Variants in PITRM1 observed in about 807,000 individuals in gnomAD.
PITRM1 encodes the protein presequence protease, mitochondrial.
PITRM1 carries 100 observed loss-of-function variants against 129.9 expected under a neutral mutation model. The observed-to-expected ratio is 0.77, with a 90% CI of 0.65 to 0.91. The LOEUF (loss-of-function observed/expected upper bound fraction) is 0.91, where lower values mean the gene tolerates loss of function less well. PITRM1 is among the 40% of genes least tolerant of loss of function. PITRM1 has a pLI of 0.00. For missense variants in PITRM1, 1,471 were observed against 1,318.3 expected (o/e 1.12, Z -1.79); for synonymous variants, 591 against 508.8 (o/e 1.16, Z -2.17).
At chr10:3,165,845 A>T (rs148058388) in intron 4 of PITRM1, among the ~76,000 whole-genome samples, 1 of 152,328 alleles carries the variant, frequency 6.6e-6, no homozygotes, top group Non-Finnish European at 1.5e-5. Context: ...AACAGCATGG[A>T]TTTAACCCGC....
At chr10:3,139,215 G>T (rs1306444150) in intron 24 of PITRM1, among the ~76,000 whole-genome samples, 166 bp from the exon 25 acceptor site, 1 of 152,122 alleles carries the variant, frequency 6.6e-6, no homozygotes, top group Non-Finnish European at 1.5e-5. Flanking sequence ...TACTCTCAAT[G>T]GAAATTTAAA....
intron 17 of PITRM1, 38 bp from the exon 18 acceptor site, chr10:3,148,101 C>T (rs1439890214): frequency 1.1e-5 from 17 of 1,613,572 alleles, no homozygotes; most frequent in African/African-American, 1.3e-5. Context: ...GAATTAGGGC[C>T]GAATCGAACA....
intron 2 of PITRM1, among the ~76,000 whole-genome samples, chr10:3,168,684 C>A (rs1843085928): frequency 1.3e-5 from 2 of 152,154 alleles, no homozygotes. Flanking sequence ...CTCATTCTCT[C>A]CCCTGCCGCC....
Position 3,143,429 on chromosome 10 carries a change from A to T in PITRM1, c.2605T>A (p.Cys869Ser), listed in dbSNP as rs1840474409. ...TCCGTGTAGGGGACAGTTCGGATGCATTCACCCACGTAATTCACCGGGAAG... is the reference window on the plus strand; with the variant it reads ...TCCGTGTAGGGGACAGTTCGGATGCTTTCACCCACGTAATTCACCGGGAAG... ...MPFPVNYVGE[C>S]IRTVPYTDPD... The change falls in exon 23 of 27, where the codon TGC (cysteine) becomes AGC (serine). Residue 869 changes from cysteine to serine, a missense_variant. Physicochemically the swap from Cys to Ser is moderately radical, Grantham distance 112 (BLOSUM62 -1). Transcript: ENST00000224949. The T allele has an allele frequency of 1.2e-6, 2 of 1,613,742 alleles. No homozygotes were observed. The highest frequency in any genetic ancestry group is 2.7e-5 in the African/African-American group (2 of 75,052).
At chr10:3,166,866 G>A in intron 3 of PITRM1, 70 bp downstream of exon 3, 2 of 910,688 alleles carry the variant, frequency 2.2e-6, no homozygotes, top group Non-Finnish European at 1.7e-6. Context: ...GCACAGGGAA[G>A]CCAAAAGAAT....
Position 3,138,939 on chromosome 10 carries a change from G to C in PITRM1, c.2882C>G (p.Ser961Ter). 1.2e-6 allele frequency: 2 copies of C among 1,613,952 alleles called. No individual in the cohort carries two copies. The highest frequency in any genetic ancestry group is 1.7e-6 in the Non-Finnish European group (2 of 1,179,818). The change falls in exon 25 of 27, where the codon TCA becomes TGA. Residue 961 changes from serine (S) to a stop codon, truncating the protein, a stop_gained. Transcript: ENST00000224949. LOFTEE classifies it high-confidence loss of function. ...AGGAGCGACAGGAGCATCTACGGTT[G>C]AGAAGACAGAAAGTTTGGCTTCGTC... Reference protein sequence around the residue: ...DIDEAKLSVFSTVDAPVAPSD... With the variant: ...DIDEAKLSVF
rs755311009 is a variant in PITRM1, at chr10:3,138,354, A to AG, written c.2918-18dup. The AG allele has an allele frequency of 1.3e-6, 2 of 1,579,980 alleles. No individual in the cohort carries two copies. The highest frequency in any genetic ancestry group is 2.7e-5 in the African/African-American group (2 of 74,230). ...GGTCCATTCCTAGAAGACAATCCACAGGCACGATGGAGCCGCTGCCCGGGA... is the reference window on the plus strand; with the variant it reads ...GGTCCATTCCTAGAAGACAATCCACAGGGCACGATGGAGCCGCTGCCCGGGA... On this transcript the variant is annotated splice_polypyrimidine_tract_variant and intron_variant, in intron 25 of 26. Coordinates refer to ENST00000224949, the MANE Select transcript of PITRM1 (RefSeq NM_014889.4).
intron 7 of PITRM1, among the ~76,000 whole-genome samples, chr10:3,160,980 C>T (rs374357923): frequency 4.7e-4 from 71 of 152,228 alleles, no homozygotes; most frequent in Admixed American, 8.5e-4. Context: ...AGGCTGGTCT[C>T]GAACTCCTGA....
At chr10:3,143,776 C>G (rs1840528750) in intron 22 of PITRM1, 1 of 663,298 alleles carries the variant, frequency 1.5e-6, no homozygotes, top group East Asian at 3.1e-5. Flanking sequence ...TTAACGTATA[C>G]TGTTCAATTA....
intron 2 of PITRM1, among the ~76,000 whole-genome samples, chr10:3,169,552 C>T (rs1472217958): frequency 1.3e-5 from 2 of 152,196 alleles, no homozygotes; most frequent in Non-Finnish European, 2.9e-5. Flanking sequence ...ATACATGAAG[C>T]GTGTCATTTT....
At chr10:3,148,393 T>A in intron 16 of PITRM1, 102 bp from the exon 17 acceptor site, 16 of 1,429,640 alleles carry the variant, frequency 1.1e-5, no homozygotes, top group Non-Finnish European at 1.5e-5. Context: ...ATTAATTCAA[T>A]AACTGCGGCT....
intron 1 of PITRM1, among the ~76,000 whole-genome samples, chr10:3,171,073 C>T (rs188129693): frequency 2.1e-5 from 3 of 145,750 alleles, no homozygotes; most frequent in Non-Finnish European, 4.5e-5. Flanking sequence ...AGCACGAACC[C>T]TGACAGTCCC....
At chr10:3,160,765 G>GTT (rs111822712) in intron 7 of PITRM1, among the ~76,000 whole-genome samples, 24 of 147,512 alleles carry the variant, frequency 1.6e-4, no homozygotes, top group African/African-American at 4.2e-4. Flanking sequence ...TTTGGTGGGG[G>GTT]GTTTTTTTTT....
At chr10:3,162,489 C>T (rs80008434) in intron 7 of PITRM1, among the ~76,000 whole-genome samples, 1,793 of 152,260 alleles carry the variant, frequency 0.012, 21 homozygotes, top group East Asian at 0.052. Context: ...AACTCAAGCC[C>T]ACCAGATGGT....
At chr10:3,149,335 T>G (rs2388557) in intron 16 of PITRM1, 1 of 257,586 alleles carries the variant, frequency 3.9e-6, no homozygotes, top group African/African-American at 2.2e-5. Context: ...ATTACTTACA[T>G]TTTCGGATTA....
chr10:3,141,568 T>G, intron 23 of PITRM1: 2 of 398,552 alleles, frequency 5.0e-6, no homozygotes, highest in East Asian at 8.2e-5. Context: ...TTCCTCTGCC[T>G]TCCACTGTGA....
At chr10:3,141,765 G>A (rs1207039421) in intron 23 of PITRM1, 1 of 412,136 alleles carries the variant, frequency 2.4e-6, no homozygotes, top group Non-Finnish European at 5.1e-6. Context: ...AGTCAAATAG[G>A]CCAGGTGGGA....
chr10:3,147,937 A>T (rs1308253956), intron 18 of PITRM1, 50 bp downstream of exon 18: 2 of 1,426,698 alleles, frequency 1.4e-6, no homozygotes, highest in Non-Finnish European at 2.0e-6. Context: ...ACTTCAAACA[A>T]AGATCTCTAG....
At position 3,163,719 on chromosome 10, in the gene PITRM1, T is replaced by C. The variant is rs1842637051; in HGVS notation, c.791+6A>G. On this transcript the variant is annotated splice_donor_region_variant and intron_variant, in intron 7 of 26. Transcript: ENST00000224949. ...CCACCATCAAACTTTTCCAACAAAA[T>C]ATTACCTAGCATTGCTTGGGTGATA... is the stretch of plus-strand genomic sequence containing the variant. 1 of 1,588,826 alleles carries C rather than the reference T, an allele frequency of 6.3e-7. No individual in the cohort carries two copies. The highest frequency in any genetic ancestry group is 8.6e-7 in the Non-Finnish European group (1 of 1,167,650).
Sources: gnomAD v4.1 joint callset for allele counts (sites outside exome capture counted in the v4.1 genomes callset) on GRCh38, gnomAD v4.1.1 for gene constraint, MANE v1.5 for transcripts, NCBI Gene and HGNC (gene_info 2026-07-23, HGNC 2026-07-21) for gene names.